The following GPR158 variants were observed in gnomAD, a reference collection of about 807,000 sequenced individuals.
GPR158 encodes the protein G protein-coupled receptor 158, also known as metabotropic glycine receptor.
In GPR158, 30 loss-of-function variants were observed where a neutral mutation model predicts 78.2. That is an observed-to-expected ratio of 0.38 (90% CI 0.29 to 0.52). The LOEUF is 0.52. GPR158 is among the 20% of genes least tolerant of loss of function. The probability of loss-of-function intolerance (pLI) is 0.83; values close to 1 mark genes in which losing one functional copy is unlikely to be tolerated. For missense variants in GPR158, 1,463 were observed against 1,523.5 expected (o/e 0.96, Z 0.66); for synonymous variants, 581 against 591.1 (o/e 0.98, Z 0.25).
chr10:25,541,873 G>A (rs1836590545), intron 5 of GPR158, among the ~76,000 whole-genome samples: 1 of 149,550 alleles, frequency 6.7e-6, no homozygotes, highest in Non-Finnish European at 1.5e-5. Context: ...CTGGGGATGA[G>A]CAACTCTGGA....
intron 2 of GPR158, among the ~76,000 whole-genome samples, chr10:25,387,793 T>A (rs1478729881): frequency 6.6e-6 from 1 of 152,142 alleles, no homozygotes; most frequent in African/African-American, 2.4e-5. Context: ...TGATTACAGG[T>A]GTGAGCCACC....
intron 4 of GPR158, among the ~76,000 whole-genome samples, chr10:25,440,315 GAA>G (rs1835051728): frequency 6.6e-6 from 1 of 152,190 alleles, no homozygotes. Context: ...GGGCTGTTTT[GAA>G]AAGACACTGT....
chr10:25,455,051 A>T lies in GPR158; in HGVS notation c.1336-11600A>T, dbSNP rs1259310161. 3.3e-5 allele frequency among the ~76,000 whole-genome samples: 5 copies of T among 152,324 alleles called. No homozygotes were observed. In the East Asian group the frequency reaches 9.6e-4, roughly 29 times the overall value. ...CCACTTCTTTATTTCTAGCCTGTAT[A>T]TGTATTTTTCAGATATAGTTTGACT... On this transcript the variant is annotated intron_variant, in intron 4 of 10. Coordinates refer to ENST00000376351, the MANE Select transcript of GPR158 (RefSeq NM_020752.3).
intron 2 of GPR158, among the ~76,000 whole-genome samples, chr10:25,374,737 T>C (rs1481762414): frequency 6.6e-6 from 1 of 151,780 alleles, no homozygotes; most frequent in Non-Finnish European, 1.5e-5. Flanking sequence ...CGTGTGTTCC[T>C]TTTTTATTAC....
chr10:25,568,325 T>G (rs1464427150), intron 6 of GPR158, among the ~76,000 whole-genome samples: 1 of 152,170 alleles, frequency 6.6e-6, no homozygotes, highest in Non-Finnish European at 1.5e-5. Context: ...TGGCCACATT[T>G]AGGAGATCCT....
intron 2 of GPR158, among the ~76,000 whole-genome samples, chr10:25,264,513 C>A (rs1188871725): frequency 1.4e-4 from 21 of 152,176 alleles, no homozygotes; most frequent in Non-Finnish European, 1.5e-5. Context: ...TACTCCCAAC[C>A]CAAATGTCAT....
At chr10:25,509,720 AT>A (rs1836058883) in intron 5 of GPR158, among the ~76,000 whole-genome samples, 1 of 151,966 alleles carries the variant, frequency 6.6e-6, no homozygotes, top group Admixed American at 6.6e-5. Flanking sequence ...TATGATTTTT[AT>A]TTTTTTATTT....
At chr10:25,276,113 G>C (rs1414863855) in intron 2 of GPR158, among the ~76,000 whole-genome samples, 1 of 152,170 alleles carries the variant, frequency 6.6e-6, no homozygotes, top group Non-Finnish European at 1.5e-5. Context: ...AGCTTTCAGA[G>C]GAATTTGATC....
At chr10:25,345,896 A>G (rs1855365270) in intron 2 of GPR158, among the ~76,000 whole-genome samples, 1 of 151,968 alleles carries the variant, frequency 6.6e-6, no homozygotes, top group Non-Finnish European at 1.5e-5. Context: ...AGACATCTGT[A>G]TTGGGGGTGG....
chr10:25,371,572 C>A (rs1833994168), intron 2 of GPR158, among the ~76,000 whole-genome samples: 1 of 147,178 alleles, frequency 6.8e-6, no homozygotes, highest in Non-Finnish European at 1.5e-5. Flanking sequence ...ACTATCTGAT[C>A]TTTGACAAAC....
chr10:25,478,830 G>A (rs1461570539), intron 5 of GPR158, among the ~76,000 whole-genome samples: 1 of 135,480 alleles, frequency 7.4e-6, no homozygotes, highest in Admixed American at 8.6e-5. Flanking sequence ...GGTGTGTGAT[G>A]TTCCCCTTCC....
At chr10:25,558,257 C>T (rs1836811294) in intron 6 of GPR158, among the ~76,000 whole-genome samples, 3 of 152,198 alleles carry the variant, frequency 2.0e-5, no homozygotes, top group Admixed American at 6.5e-5. Context: ...CAACTTTAAA[C>T]TTATAAAAAC....
chr10:25,401,811 G>C (rs543805890), intron 3 of GPR158, among the ~76,000 whole-genome samples: 1 of 151,982 alleles, frequency 6.6e-6, no homozygotes, highest in African/African-American at 2.4e-5. Context: ...AGAATTATTT[G>C]TAATTTTTGT....
chr10:25,429,813 G>A (rs71495454), intron 4 of GPR158, among the ~76,000 whole-genome samples: 2 of 140,868 alleles, frequency 1.4e-5, no homozygotes, highest in African/African-American at 2.8e-5. Context: ...TTCAACAACC[G>A]TTCATGCTAA....
intron 1 of GPR158, among the ~76,000 whole-genome samples, chr10:25,219,074 T>C (rs1853260829): frequency 6.6e-6 from 1 of 152,134 alleles, no homozygotes; most frequent in Admixed American, 6.5e-5. Context: ...GAACCAGAAG[T>C]GGGCTTACAT....
At chr10:25,582,067 G>T (rs565870614) in intron 7 of GPR158, among the ~76,000 whole-genome samples, 2 of 152,146 alleles carry the variant, frequency 1.3e-5, no homozygotes, top group Admixed American at 1.3e-4. Context: ...CCCAAGAATA[G>T]TATGGGGGAA....
At chr10:25,576,786 G>GTGTT (rs1157558463) in intron 7 of GPR158, among the ~76,000 whole-genome samples, 2 of 152,106 alleles carry the variant, frequency 1.3e-5, no homozygotes, top group Admixed American at 6.5e-5. Context: ...ACCCCTAAAG[G>GTGTT]TGTTAGGCAA....
intron 3 of GPR158, among the ~76,000 whole-genome samples, chr10:25,401,310 A>G (rs908896440): frequency 2.0e-5 from 3 of 152,210 alleles, no homozygotes; most frequent in Non-Finnish European, 4.4e-5. Context: ...ACTGTATTAT[A>G]GGAACCTAGT....
intron 1 of GPR158, among the ~76,000 whole-genome samples, chr10:25,209,622 A>T (rs1232849663): frequency 6.6e-6 from 1 of 151,060 alleles, no homozygotes; most frequent in Non-Finnish European, 1.5e-5. Flanking sequence ...ATAAAAAGAA[A>T]TGTTAGTTAA....
Sources: allele counts gnomAD v4.1 joint callset (sites outside exome capture counted in the v4.1 genomes callset), GRCh38; gene constraint gnomAD v4.1.1; transcripts MANE v1.5; gene names NCBI Gene and HGNC (gene_info 2026-07-23, HGNC 2026-07-21).